The following TTC19 variants were observed in gnomAD, a reference collection of about 807,000 sequenced individuals.
TTC19 encodes tetratricopeptide repeat protein 19, mitochondrial.
TTC19 carries 38 observed loss-of-function variants against 49.5 expected under a neutral mutation model. That is an observed-to-expected ratio of 0.77 (90% CI 0.59 to 1.01). The LOEUF (loss-of-function observed/expected upper bound fraction) is 1.01, where lower values mean the gene tolerates loss of function less well. TTC19 is among the 50% of genes least tolerant of loss of function. TTC19 has a pLI of 0.00. For missense variants in TTC19, 475 were observed against 477.7 expected (o/e 0.99, Z 0.05); for synonymous variants, 204 against 185.2 (o/e 1.10, Z -0.83).
At chr17:16,039,245 T>C (rs2057088031) in intron 2 of TTC19, 2 of 605,962 alleles carry the variant, frequency 3.3e-6, no homozygotes, top group Non-Finnish European at 5.7e-6. Flanking sequence ...TCTTCCATTT[T>C]ATTTCTGTTC....
intron 2 of TTC19, among the ~76,000 whole-genome samples, chr17:16,035,519 G>A (rs2151876206): frequency 6.9e-6 from 1 of 145,802 alleles, no homozygotes; most frequent in East Asian, 2.0e-4. Context: ...TCCACTACTA[G>A]TTCTCTTGTT....
At chr17:16,011,087 C>A (rs767754279) in intron 7 of TTC19, among the ~76,000 whole-genome samples, 4 of 152,238 alleles carry the variant, frequency 2.6e-5, no homozygotes, top group Non-Finnish European at 5.9e-5. Context: ...TTGCTTTCTT[C>A]AATTCATAAG....
intron 9 of TTC19, chr17:16,027,116 T>C: frequency 1.8e-6 from 1 of 541,320 alleles, no homozygotes; most frequent in South Asian, 2.1e-5. Flanking sequence ...GGATGACAGG[T>C]GTATTACACA....
chr17:16,044,547 T>C (rs1274738092), exon 3 of TTC19: 5 of 500,730 alleles, frequency 1.0e-5, no homozygotes, highest in East Asian at 6.0e-5. Context: ...TAAGGCCACG[T>C]TGGGATGAGG....
chr17:16,027,728 C>G lies in TTC19; in HGVS notation c.*206C>G. 3 of 649,926 alleles carry G rather than the reference C, an allele frequency of 4.6e-6. No homozygotes were observed. The highest frequency in any genetic ancestry group is 8.4e-6 in the Non-Finnish European group (3 of 356,022). 40.3% of individuals were successfully genotyped at this position (649,926 alleles called of 1,614,324 possible). A position where few individuals can be genotyped will look rare whatever the true frequency, so the allele number is the denominator to read the frequency against. ...GACTTTCATTCCCAACTGATTATGA[C>G]CTTTCAGGATGTCGTCAAGTGATGC... On this transcript the variant is annotated 3_prime_UTR_variant, in exon 10 of 10. Transcript: ENST00000261647.
At chr17:16,008,802 C>T (rs192826239) in intron 7 of TTC19, among the ~76,000 whole-genome samples, 10 of 152,262 alleles carry the variant, frequency 6.6e-5, no homozygotes, top group Admixed American at 6.5e-4. Flanking sequence ...CAGGTCTCTG[C>T]TCAAATAGCA....
chr17:16,020,682 C>G (rs750250970), intron 7 of TTC19, among the ~76,000 whole-genome samples: 3 of 151,862 alleles, frequency 2.0e-5, no homozygotes, highest in South Asian at 2.1e-4. Flanking sequence ...CCCCCCACCC[C>G]CCAAGAGACA....
At chr17:16,007,075 G>A (rs1398229798) in intron 7 of TTC19, among the ~76,000 whole-genome samples, 1 of 152,130 alleles carries the variant, frequency 6.6e-6, no homozygotes, top group Non-Finnish European at 1.5e-5. Context: ...GAAGTATTGA[G>A]AATTTTCAGA....
chr17:16,002,867 A>C, intron 4 of TTC19, 36 bp downstream of exon 4: 1 of 1,595,756 alleles, frequency 6.3e-7, no homozygotes. Flanking sequence ...TGAATTTATG[A>C]AGGAGTAGCT....
intron 2 of TTC19, among the ~76,000 whole-genome samples, chr17:16,043,598 T>G (rs142179198): frequency 6.6e-6 from 1 of 152,296 alleles, no homozygotes; most frequent in Non-Finnish European, 1.5e-5. Context: ...AAAGTAGGCT[T>G]CTTCAGTTCA....
At chr17:16,033,942 C>A (rs552379680), downstream of TTC19, among the ~76,000 whole-genome samples, 6 of 152,208 alleles carry the variant, frequency 3.9e-5, no homozygotes, top group African/African-American at 1.4e-4. Flanking sequence ...GTGATCTGCC[C>A]GCCTCAGCCT....
chr17:16,032,135 A>G (rs1006107925), downstream of TTC19: 22 of 726,964 alleles, frequency 3.0e-5, no homozygotes, highest in African/African-American at 4.1e-4. Context: ...TTGACTCTCC[A>G]AATGAACTTC....
downstream of TTC19, among the ~76,000 whole-genome samples, chr17:16,034,175 A>G (rs1357203103): frequency 2.6e-5 from 4 of 152,218 alleles, no homozygotes; most frequent in South Asian, 2.1e-4. Flanking sequence ...CAAATAGTCA[A>G]TGTTCGCTAC....
chr17:16,029,029 A>C lies in TTC19; in HGVS notation c.*1507A>C. ...AGCTCAGAGAGATAAGATACAATAT[A>C]AATCAGACTGTTTCAGTAGAAACCA... On this transcript the variant is annotated 3_prime_UTR_variant, in exon 10 of 10. Transcript: ENST00000261647. 2 of 449,898 alleles carry C rather than the reference A, an allele frequency of 4.4e-6. No homozygotes were observed. Among genetic ancestry groups the C allele is most frequent in the Non-Finnish European group, 8.9e-6 (2 of 225,628 alleles). 27.9% of individuals were successfully genotyped at this position (449,898 alleles called of 1,614,324 possible). A position where few individuals can be genotyped will look rare whatever the true frequency, so the allele number is the denominator to read the frequency against.
chr17:16,032,323 G>A (rs1027044838), downstream of TTC19: 31 of 1,613,854 alleles, frequency 1.9e-5, no homozygotes, highest in African/African-American at 1.3e-4. Flanking sequence ...ACAGGGTCTC[G>A]TACTGTGCTG....
At chr17:16,000,682 CTT>C (rs767635884) in intron 2 of TTC19, among the ~76,000 whole-genome samples, 9 of 151,902 alleles carry the variant, frequency 5.9e-5, no homozygotes, top group African/African-American at 9.7e-5. Context: ...TTTTCCTCCT[CTT>C]TTCCCAAGTT....
intron 2 of TTC19, among the ~76,000 whole-genome samples, chr17:16,041,735 T>G (rs2057702363): frequency 6.7e-6 from 1 of 149,208 alleles, no homozygotes; most frequent in Admixed American, 6.7e-5. Context: ...ATTAATTAAT[T>G]TATTAATTAA....
At chr17:16,035,101 C>T (rs1160210734) in intron 2 of TTC19, among the ~76,000 whole-genome samples, 1 of 152,122 alleles carries the variant, frequency 6.6e-6, no homozygotes, top group East Asian at 1.9e-4. Context: ...ACAGGCATAC[C>T]TCAGAGATAC....
At chr17:16,016,479 T>A (rs1478394905) in intron 7 of TTC19, among the ~76,000 whole-genome samples, 1 of 152,128 alleles carries the variant, frequency 6.6e-6, no homozygotes, top group African/African-American at 2.4e-5. Flanking sequence ...TCTATGAATG[T>A]CTGTTAGGTC....
Sources: allele counts gnomAD v4.1 joint callset (sites outside exome capture counted in the v4.1 genomes callset), GRCh38; gene constraint gnomAD v4.1.1; transcripts MANE v1.5; gene names NCBI Gene and HGNC (gene_info 2026-07-23, HGNC 2026-07-21).